Variants in ZBTB33 observed in about 807,000 individuals in gnomAD.
ZBTB33 encodes the protein zinc finger and BTB domain containing 33.
ZBTB33 carries 11 observed loss-of-function variants against 25.9 expected under a neutral mutation model. The observed-to-expected ratio is 0.42, with a 90% CI of 0.27 to 0.70. The LOEUF (loss-of-function observed/expected upper bound fraction) is 0.70. ZBTB33 is among the 30% of genes least tolerant of loss of function. The pLI, the probability that ZBTB33 is intolerant of heterozygous loss-of-function variation, is 0.23. For synonymous variants in ZBTB33, 157 were observed against 184.8 expected (o/e 0.85, Z 1.22); for missense variants, 343 against 501.1 (o/e 0.68, Z 3.01).
In ZBTB33 at chrX:120,255,367, C is replaced by T. The variant is rs1447086630; in HGVS notation, c.1952C>T (p.Ser651Leu). The stretch of plus-strand genomic sequence containing the variant: ...ATTTTTATTCAGCAGGAAAATGATT[C>T]AATTTTTAAACAAAATGTAACAGAT... ...EDIFIQQEND[S>L]IFKQNVTDGS... is the part of the protein sequence containing the mutation. Residue 651 changes from serine to leucine, a missense_variant, in exon 3 of 3, where the codon TCA becomes TTA. By Grantham distance (145) the Ser-to-Leu change is moderately radical. Transcript: ENST00000557385. 1 of 1,210,975 alleles carries T rather than the reference C, an allele frequency of 8.3e-7. No homozygotes were observed. The highest frequency in any genetic ancestry group is 3.0e-5 in the East Asian group (1 of 33,855).
rs1443434140 is a variant in ZBTB33, at chrX:120,257,674, T to G, written c.*2240T>G. On this transcript the variant is annotated 3_prime_UTR_variant, in exon 3 of 3. Transcript: ENST00000557385. Reference sequence around the variant, plus strand: ...TGTATTTTTGCCAGAAGACTCTTACTTGCATGTGTCTCAGGGTCTTCAGTT... The same window carrying G: ...TGTATTTTTGCCAGAAGACTCTTACGTGCATGTGTCTCAGGGTCTTCAGTT... The G allele has an allele frequency of 2.4e-5, 3 of 123,443 alleles. No individual in the cohort carries two copies. The highest frequency in any genetic ancestry group is 5.6e-5 in the Non-Finnish European group (3 of 53,178). 10.2% of individuals were successfully genotyped at this position (123,443 alleles called of 1,213,427 possible). A position where few individuals can be genotyped will look rare whatever the true frequency, so the allele number is the denominator to read the frequency against.
intron 1 of ZBTB33, among the ~76,000 whole-genome samples, chrX:120,252,325 T>C (rs781789762): frequency 4.5e-5 from 5 of 110,737 alleles, no homozygotes; most frequent in African/African-American, 1.6e-4. Context: ...TATTAAAATA[T>C]ATCCATATAT....
At position 120,252,700 on chromosome X, in the gene ZBTB33, A is replaced by G. The variant is rs1351543921; in HGVS notation, c.-73A>G. 8.9e-6 allele frequency: 1 copy of G among 112,102 alleles called. No homozygotes were observed. The highest frequency in any genetic ancestry group is 3.2e-5 in the African/African-American group (1 of 30,805). The allele number at this position is 112,102 out of a possible 1,213,427, so 9.2% of individuals were successfully genotyped here. On this transcript the variant is annotated 5_prime_UTR_variant, in exon 2 of 3. Coordinates refer to ENST00000557385, the MANE Select transcript of ZBTB33 (RefSeq NM_001184742.2). ...TTGACTTCACTTGGCACTGTTTAAC[A>G]TTCCACCTCTGGAAATTGTAAAGAT... is the stretch of plus-strand genomic sequence containing the variant.
Position 120,254,430 on chromosome X carries a change from G to A in ZBTB33, c.1015G>A (p.Asp339Asn). ...EEEEEIIDDD[D>N]DTISSSPDSA... ...GGAGGAGGAAATAATAGATGATGAT[G>A]ATGACACTATTAGCTCCAGTCCTGA... The change falls in exon 3 of 3, where the codon GAT becomes AAT. Residue 339 changes from aspartate to asparagine, a missense_variant. Around this residue, in one of 2 missense-constraint regions of ZBTB33, gnomAD observed 304 missense variants for 410.0 expected, o/e 0.74. Coordinates refer to ENST00000557385, the MANE Select transcript of ZBTB33 (RefSeq NM_001184742.2). 1.7e-6 allele frequency: 2 copies of A among 1,211,444 alleles called. No individual in the cohort carries two copies. Among genetic ancestry groups the A allele is most frequent in the South Asian group, 1.8e-5 (1 of 56,981 alleles).
At position 120,254,660 on chromosome X, in the gene ZBTB33, C is replaced by A; in HGVS notation, c.1245C>A (p.Ile415=). Residue 415 remains isoleucine (I), a synonymous_variant, in exon 3 of 3, where the codon ATC becomes ATA. Coordinates refer to ENST00000557385, the MANE Select transcript of ZBTB33 (RefSeq NM_001184742.2). ...AACATCTAATGGAGGGTCAGAAGATCATTACTTTAGATACAGCTACTGAAA... is the reference window on the plus strand; with the variant it reads ...AACATCTAATGGAGGGTCAGAAGATAATTACTTTAGATACAGCTACTGAAA... The part of the protein sequence containing the change: ...GSKHLMEGQK[I]ITLDTATEIE... 8.3e-7 allele frequency: 1 copy of A among 1,211,730 alleles called. No homozygotes were observed. The highest frequency in any genetic ancestry group is 1.1e-6 in the Non-Finnish European group (1 of 895,507).
In ZBTB33 at chrX:120,254,958, A is replaced by G; in HGVS notation, c.1543A>G (p.Ile515Val). 1 of 1,212,152 alleles carries G rather than the reference A, an allele frequency of 8.2e-7. No homozygotes were observed. The highest frequency in any genetic ancestry group is 1.1e-6 in the Non-Finnish European group (1 of 895,583). The change falls in exon 3 of 3, where the codon ATT becomes GTT. Residue 515 changes from isoleucine (I) to valine (V), a missense_variant. Ile to Val is a conservative substitution (Grantham distance 29). This residue lies in a region of ZBTB33 where 304 missense variants were observed against 410.0 expected (regional missense o/e 0.74). Transcript: ENST00000557385. ...GACAAGCTTGCGGAGACATTTTAACATTCATTCTTGGGAGAAGAAGTATCC... is the reference window on the plus strand; with the variant it reads ...GACAAGCTTGCGGAGACATTTTAACGTTCATTCTTGGGAGAAGAAGTATCC... ...CLTSLRRHFN[I>V]HSWEKKYPCR...
In ZBTB33 at chrX:120,256,928, T is replaced by C. The variant is rs2042169061; in HGVS notation, c.*1494T>C. 1 of 122,620 alleles carries C rather than the reference T, an allele frequency of 8.2e-6. No homozygotes were observed. The highest frequency in any genetic ancestry group is 3.7e-4 in the South Asian group (1 of 2,678). The allele number at this position is 122,620 out of a possible 1,213,427, so 10.1% of individuals were successfully genotyped here. On this transcript the variant is annotated 3_prime_UTR_variant, in exon 3 of 3. Transcript: ENST00000557385. Reference sequence around the variant, plus strand: ...TCTCCTGACCATGTATTTTAAAATATAGTCTATTTCTTGACTTTGAACTTA... The same window carrying C: ...TCTCCTGACCATGTATTTTAAAATACAGTCTATTTCTTGACTTTGAACTTA...
In ZBTB33 at chrX:120,254,907, G is replaced by A; in HGVS notation, c.1492G>A (p.Val498Ile). The change falls in exon 3 of 3, where the codon GTA becomes ATA. Residue 498 changes from valine to isoleucine, a missense_variant. Val to Ile is a conservative substitution (Grantham distance 29, BLOSUM62 3). Around this residue, in one of 2 missense-constraint regions of ZBTB33, gnomAD observed 304 missense variants for 410.0 expected, o/e 0.74. Transcript: ENST00000557385. ...VDGRVYYICI[V>I]CKRSYVCLTS... The stretch of plus-strand genomic sequence containing the variant: ...TGGAAGGGTCTATTATATCTGTATT[G>A]TATGCAAAAGGTCATATGTCTGTCT... 1.7e-6 allele frequency: 2 copies of A among 1,211,965 alleles called. No individual in the cohort carries two copies. The highest frequency in any genetic ancestry group is 3.5e-5 in the South Asian group (2 of 57,006).
rs891079666 is a variant in ZBTB33, at chrX:120,253,899, A to G, written c.484A>G (p.Thr162Ala). ...AGATGAAGCCCAAGATAATGGGGCT[A>G]CTATAATGCCTATTATAACAGAGTC... Reference protein sequence around the residue: ...SKDEAQDNGATIMPIITESFS... With the variant: ...SKDEAQDNGAAIMPIITESFS... Residue 162 changes from threonine to alanine, a missense_variant, in exon 3 of 3, where the codon ACT becomes GCT. This residue lies in a region of ZBTB33 where 304 missense variants were observed against 410.0 expected (regional missense o/e 0.74). Coordinates refer to ENST00000557385, the MANE Select transcript of ZBTB33 (RefSeq NM_001184742.2). 14 of 1,211,423 alleles carry G rather than the reference A, an allele frequency of 1.2e-5. No homozygotes were observed. Among genetic ancestry groups the G allele is most frequent in the Non-Finnish European group, 1.6e-5 (14 of 895,322 alleles).
chrX:120,257,108 A>G lies in ZBTB33; in HGVS notation c.*1674A>G, dbSNP rs782347618. On this transcript the variant is annotated 3_prime_UTR_variant, in exon 3 of 3. Coordinates refer to ENST00000557385, the MANE Select transcript of ZBTB33 (RefSeq NM_001184742.2). ...GAAAAAAAATCCTTTGCTTGCCAAG[A>G]GGTAGAGTGATGTGCATTTATCTGT... is the stretch of plus-strand genomic sequence containing the variant. 1 of 122,719 alleles carries G rather than the reference A, an allele frequency of 8.1e-6. No individual in the cohort carries two copies. The highest frequency in any genetic ancestry group is 3.7e-4 in the South Asian group (1 of 2,672). 10.1% of individuals were successfully genotyped at this position (122,719 alleles called of 1,213,427 possible). A position where few individuals can be genotyped will look rare whatever the true frequency, so the allele number is the denominator to read the frequency against.
At position 120,257,828 on chromosome X, in the gene ZBTB33, G is replaced by GT. The variant is rs1454479206; in HGVS notation, c.*2401dup. ...AGATGCTGTTTAAAATTACCATATT[G>GT]TTTTTTTATCTTATACTTAGCTCTC... On this transcript the variant is annotated 3_prime_UTR_variant, in exon 3 of 3. Transcript: ENST00000557385. The GT allele has an allele frequency of 2.1e-4, 26 of 122,532 alleles. No homozygotes were observed. Among genetic ancestry groups the GT allele is most frequent in the Non-Finnish European group, 7.6e-5 (4 of 52,960 alleles). The allele number at this position is 122,532 out of a possible 1,213,427, so 10.1% of individuals were successfully genotyped here.
chrX:120,253,633 T>C lies in ZBTB33; in HGVS notation c.218T>C (p.Ile73Thr). Residue 73 changes from isoleucine to threonine, a missense_variant, in exon 3 of 3, where the codon ATA becomes ACA. Ile to Thr is a moderately conservative substitution (Grantham distance 89). Coordinates refer to ENST00000557385, the MANE Select transcript of ZBTB33 (RefSeq NM_001184742.2). Reference sequence around the variant, plus strand: ...GGGCAAGTTGTTGAACTGAGCTTTATAAGAGCAGAGATCTTTGCAGAAATT... The same window carrying C: ...GGGCAAGTTGTTGAACTGAGCTTTACAAGAGCAGAGATCTTTGCAGAAATT... Reference protein sequence around the residue: ...VAGQVVELSFIRAEIFAEILN... With the variant: ...VAGQVVELSFTRAEIFAEILN... 1 of 1,212,231 alleles carries C rather than the reference T, an allele frequency of 8.2e-7. No homozygotes were observed.
chrX:120,252,310 C>T (rs951441600), intron 1 of ZBTB33, among the ~76,000 whole-genome samples: 13 of 109,828 alleles, frequency 1.2e-4, no homozygotes, highest in African/African-American at 4.3e-4. Flanking sequence ...TATATAATAT[C>T]CATATATTAA....
intron 1 of ZBTB33, among the ~76,000 whole-genome samples, chrX:120,251,195 G>T (rs1243032054): frequency 5.4e-5 from 6 of 111,805 alleles, no homozygotes; most frequent in African/African-American, 2.0e-4. Context: ...AGGGGCCGAG[G>T]GGCTGCCGGT....
Position 120,255,287 on chromosome X carries a change from A to G in ZBTB33, c.1872A>G (p.Glu624=), listed in dbSNP as rs557274880. ...GIGYKVDTGK[E]PPVGTTTSTQ... The stretch of plus-strand genomic sequence containing the variant: ...GGTATAAGGTTGACACTGGAAAAGA[A>G]CCTCCAGTAGGGACCACTACATCTA... The change falls in exon 3 of 3, where the codon GAA becomes GAG. Residue 624 remains glutamate (E), a synonymous_variant. Coordinates refer to ENST00000557385, the MANE Select transcript of ZBTB33 (RefSeq NM_001184742.2). The G allele has an allele frequency of 8.3e-7, 1 of 1,209,917 alleles. No individual in the cohort carries two copies. Among genetic ancestry groups the G allele is most frequent in the East Asian group, 3.0e-5 (1 of 33,824 alleles).
chrX:120,252,659 T>G lies in ZBTB33; in HGVS notation c.-104-10T>G, dbSNP rs904737738. 1.4e-4 allele frequency: 16 copies of G among 112,381 alleles called. No individual in the cohort carries two copies. Among genetic ancestry groups the G allele is most frequent in the African/African-American group, 5.2e-4 (16 of 30,925 alleles). 9.3% of individuals were successfully genotyped at this position (112,381 alleles called of 1,213,427 possible). ...CTTTCCTTTTCCTTTGTCATATTTT[T>G]TCATGATAGTGTCTGTTGACTTCAC... On this transcript the variant is annotated splice_polypyrimidine_tract_variant and intron_variant, in intron 1 of 2. Coordinates refer to ENST00000557385, the MANE Select transcript of ZBTB33 (RefSeq NM_001184742.2).
Position 120,250,971 on chromosome X carries a change from G to C in ZBTB33, c.-111G>C, listed in dbSNP as rs1203869760. The C allele has an allele frequency of 8.8e-6, 1 of 113,193 alleles. No homozygotes were observed. Among genetic ancestry groups the C allele is most frequent in the African/African-American group, 3.2e-5 (1 of 31,179 alleles). 9.3% of individuals were successfully genotyped at this position (113,193 alleles called of 1,213,427 possible). A position where few individuals can be genotyped will look rare whatever the true frequency, so the allele number is the denominator to read the frequency against. The stretch of plus-strand genomic sequence containing the variant: ...GGAGGAGGAGAAGCGGCGGCGCCGG[G>C]AAGCAGGTGAGGACCCGGCCCCAAT... On this transcript the variant is annotated 5_prime_UTR_variant, in exon 1 of 3. Coordinates refer to ENST00000557385, the MANE Select transcript of ZBTB33 (RefSeq NM_001184742.2).
In ZBTB33 at chrX:120,254,822, C is replaced by T. The variant is rs371846102; in HGVS notation, c.1407C>T (p.Ser469=). 4 of 1,209,814 alleles carry T rather than the reference C, an allele frequency of 3.3e-6. No individual in the cohort carries two copies. Among genetic ancestry groups the T allele is most frequent in the East Asian group, 5.9e-5 (2 of 33,780 alleles). ...LENEIPKTSG[S]EMANKRMKVK... ...ATGAAATACCAAAAACGTCTGGCAG[C>T]GAGATGGCAAACAAACGTATGAAAG... The change falls in exon 3 of 3, where the codon AGC becomes AGT. Residue 469 remains serine, a synonymous_variant. Coordinates refer to ENST00000557385, the MANE Select transcript of ZBTB33 (RefSeq NM_001184742.2).
chrX:120,254,434 AC>A lies in ZBTB33; in HGVS notation c.1020del (p.Asp340GlufsTer32), dbSNP rs782711055. ...GAGGAAATAATAGATGATGATGATG[AC>A]ACTATTAGCTCCAGTCCTGACTCGG... Reference protein sequence around the residue: ...EEEEIIDDDDDTISSSPDSAV... With the variant: ...EEEEIIDDDDXTISSSPDSAV... On this transcript the variant is annotated frameshift_variant, in exon 3 of 3. Coordinates refer to ENST00000557385, the MANE Select transcript of ZBTB33 (RefSeq NM_001184742.2). LOFTEE classifies it high-confidence loss of function. 8.3e-7 allele frequency: 1 copy of A among 1,211,462 alleles called. No individual in the cohort carries two copies. Among genetic ancestry groups the A allele is most frequent in the Non-Finnish European group, 1.1e-6 (1 of 895,495 alleles).
Sources: allele counts gnomAD v4.1 joint callset (sites outside exome capture counted in the v4.1 genomes callset), GRCh38; gene constraint gnomAD v4.1.1; regional missense constraint gnomAD v4.1.1; transcripts MANE v1.5; gene names NCBI Gene and HGNC (gene_info 2026-07-23, HGNC 2026-07-21).